USH2A: variants seen among roughly 807,000 people sequenced by gnomAD.
The protein encoded by USH2A is Usher syndrome 2A (autosomal recessive, mild).
USH2A carries 443 observed loss-of-function variants against 538.9 expected under a neutral mutation model. That is an observed-to-expected ratio of 0.82 (90% CI 0.76 to 0.89). USH2A has a LOEUF of 0.89. Among genes scored for constraint, USH2A ranks in the 40% least tolerant of loss-of-function variants. USH2A has a pLI of 0.00. For synonymous variants in USH2A, 2,413 were observed against 2,273.5 expected, an observed-to-expected ratio of 1.06 and a Z score of -1.75; for missense variants, 6,633 against 6,324.8, an observed-to-expected ratio of 1.05 and a Z score of -1.65.
intron 9 of USH2A, among the ~76,000 whole-genome samples, chr1:216,294,933 C>T (rs1228158265): frequency 6.6e-6 from 1 of 151,498 alleles, no homozygotes; most frequent in Non-Finnish European, 1.5e-5. Context: ...TTAGAATTTT[C>T]CTTTGCCTGT....
At chr1:215,958,154 A>AT (rs1667115058) in intron 37 of USH2A, among the ~76,000 whole-genome samples, 1 of 152,054 alleles carries the variant, frequency 6.6e-6, no homozygotes, top group South Asian at 2.1e-4. Flanking sequence ...CCATCTTGTA[A>AT]TTTTTATAAA....
chr1:215,968,240 A>G (rs1667403602), intron 36 of USH2A, among the ~76,000 whole-genome samples: 1 of 152,108 alleles, frequency 6.6e-6, no homozygotes, highest in South Asian at 2.1e-4. Flanking sequence ...GGCTTTGTCA[A>G]TTGTTTTCTA....
intron 3 of USH2A, among the ~76,000 whole-genome samples, chr1:216,372,040 G>C (rs1160803668): frequency 6.6e-6 from 1 of 152,168 alleles, no homozygotes; most frequent in Non-Finnish European, 1.5e-5. Context: ...AAATTATTCA[G>C]GGATAGTTGC....
chr1:215,909,299 T>C (rs1665716420), intron 38 of USH2A, among the ~76,000 whole-genome samples: 1 of 151,882 alleles, frequency 6.6e-6, no homozygotes, highest in Non-Finnish European at 1.5e-5. Context: ...GAGGGCTGTA[T>C]GAATGAATAG....
chr1:215,929,614 G>T (rs184833795), intron 38 of USH2A, among the ~76,000 whole-genome samples: 7 of 151,982 alleles, frequency 4.6e-5, no homozygotes, highest in African/African-American at 1.2e-4. Context: ...TAGGAAAATA[G>T]AACAAAAGAG....
chr1:215,670,534 T>A (rs1232854768), intron 64 of USH2A, among the ~76,000 whole-genome samples: 1 of 152,176 alleles, frequency 6.6e-6, no homozygotes, highest in African/African-American at 2.4e-5. Context: ...GTGAGTTGTA[T>A]TCCTCTAGAC....
intron 44 of USH2A, among the ~76,000 whole-genome samples, chr1:215,858,779 G>C (rs2102432828): frequency 6.6e-6 from 1 of 152,040 alleles, no homozygotes; most frequent in South Asian, 2.1e-4. Context: ...CTCAAATATA[G>C]AACAGGCTCC....
At chr1:216,101,643 G>T (rs143652859) in intron 21 of USH2A, among the ~76,000 whole-genome samples, 2 of 152,200 alleles carry the variant, frequency 1.3e-5, no homozygotes, top group African/African-American at 4.8e-5. Context: ...CTGAAACACT[G>T]ACTAAAATGG....
At chr1:215,930,126 T>C (rs1666327643) in intron 38 of USH2A, among the ~76,000 whole-genome samples, 1 of 152,036 alleles carries the variant, frequency 6.6e-6, no homozygotes, top group Non-Finnish European at 1.5e-5. Flanking sequence ...GACAAATTAT[T>C]TACTCTCAGA....
At chr1:215,790,749 G>A (rs1045345029) in intron 50 of USH2A, among the ~76,000 whole-genome samples, 1 of 152,228 alleles carries the variant, frequency 6.6e-6, no homozygotes, top group Non-Finnish European at 1.5e-5. Context: ...TGGAAGCCCT[G>A]CGGGAGAAGC....
chr1:216,077,757 CAGTAAAT>C (rs2031799451), intron 27 of USH2A, among the ~76,000 whole-genome samples: 1 of 149,432 alleles, frequency 6.7e-6, no homozygotes, highest in South Asian at 2.1e-4. Context: ...GATATTTATT[CAGTAAAT>C]AGTAATTTAT....
At chr1:215,639,022 C>A in intron 69 of USH2A, 133 bp downstream of exon 69, 8 of 830,594 alleles carry the variant, frequency 9.6e-6, no homozygotes, top group Admixed American at 2.4e-5. Context: ...AAAACTCTGA[C>A]AACACTTGGC....
At chr1:215,685,308 T>C (rs1489999141) in intron 61 of USH2A, among the ~76,000 whole-genome samples, 2 of 151,160 alleles carry the variant, frequency 1.3e-5, no homozygotes, top group South Asian at 2.1e-4. Flanking sequence ...TTATGTCTAA[T>C]ACTATTTTGC....
chr1:216,334,220 A>C (rs546782841), intron 4 of USH2A, among the ~76,000 whole-genome samples: 1 of 152,074 alleles, frequency 6.6e-6, no homozygotes, highest in African/African-American at 2.4e-5. Context: ...AGAGTGAACA[A>C]AAACTATATA....
At chr1:215,628,755 T>A in intron 71 of USH2A, 59 bp downstream of exon 71, 2 of 1,579,024 alleles carry the variant, frequency 1.3e-6, no homozygotes, top group Non-Finnish European at 1.7e-6. Flanking sequence ...CAGGCAGCTC[T>A]GTACCAATAT....
At chr1:216,042,144 AC>A (rs2030301825) in intron 32 of USH2A, among the ~76,000 whole-genome samples, 1 of 152,070 alleles carries the variant, frequency 6.6e-6, no homozygotes, top group African/African-American at 2.4e-5. Context: ...AAATATTTTT[AC>A]AAAAATGTTT....
intron 13 of USH2A, among the ~76,000 whole-genome samples, chr1:216,241,713 T>C (rs773040): frequency 0.64 from 97,337 of 151,892 alleles, 31,490 homozygotes; most frequent in East Asian, 0.76. Flanking sequence ...TTTGTATCTT[T>C]AGTAGAGATG....
At position 216,343,348 on chromosome 1, in the gene USH2A, C is replaced by T. The variant is rs1329979167; in HGVS notation, c.785-15694G>A. Among the ~76,000 whole-genome samples, 7 of 113,454 alleles carry T rather than the reference C, an allele frequency of 6.2e-5. No individual in the cohort carries two copies. In the East Asian group the frequency reaches 1.7e-3, roughly 27 times the overall value. 74.4% of individuals were successfully genotyped at this position (113,454 alleles called of 152,430 possible). On this transcript the variant is annotated intron_variant, in intron 4 of 71. Transcript: ENST00000307340. ...GAGGATTGCTTCAAACTGGACTGGA[C>T]AACATAGTAAGAACCATCTCTACAA...
chr1:215,680,091 G>T, intron 62 of USH2A, 58 bp downstream of exon 62: 1 of 1,548,988 alleles, frequency 6.5e-7, no homozygotes, highest in Non-Finnish European at 8.9e-7. Context: ...GCATGTCAGG[G>T]CTCATCTATT....
Sources: gnomAD v4.1 joint callset for allele counts (sites outside exome capture counted in the v4.1 genomes callset) on GRCh38, gnomAD v4.1.1 for gene constraint, MANE v1.5 for transcripts, NCBI Gene and HGNC (gene_info 2026-07-23, HGNC 2026-07-21) for gene names.